The following TAF13 variants were observed in gnomAD, a reference collection of about 807,000 sequenced individuals.
TAF13 encodes the protein transcription initiation factor TFIID subunit 13.
TAF13 carries 9 observed loss-of-function variants against 18.7 expected under a neutral mutation model. The observed-to-expected ratio is 0.48, with a 90% CI of 0.29 to 0.84. The LOEUF is 0.84. TAF13 is among the 40% of genes least tolerant of loss of function. The pLI is 0.08. For synonymous variants in TAF13, 49 were observed against 44.1 expected, an observed-to-expected ratio of 1.11 and a Z score of -0.44; for missense variants, 105 against 146.5, an observed-to-expected ratio of 0.72 and a Z score of 1.46.
chr1:109,071,633 A>G (rs1416682228), intron 2 of TAF13, among the ~76,000 whole-genome samples: 1 of 151,582 alleles, frequency 6.6e-6, no homozygotes, highest in Non-Finnish European at 1.5e-5. Context: ...AATAAAAATT[A>G]AGAAAATAAT....
At position 109,075,904 on chromosome 1, in the gene TAF13, C is replaced by T. The variant is rs1221891737; in HGVS notation, c.27+17G>A. The T allele has an allele frequency of 6.2e-7, 1 of 1,614,088 alleles. No homozygotes were observed. Among genetic ancestry groups the T allele is most frequent in the Non-Finnish European group, 8.5e-7 (1 of 1,180,044 alleles). On this transcript the variant is annotated intron_variant, in intron 1 of 3. Coordinates refer to ENST00000338366, the MANE Select transcript of TAF13 (RefSeq NM_005645.4). The stretch of plus-strand genomic sequence containing the variant: ...GAGTGAAGAAAAGACAGGTTTTGGA[C>T]AGAGACGGTCACTCACCGTGGGGTC...
intron 1 of TAF13, 87 bp from the exon 2 acceptor site, chr1:109,075,152 C>A: frequency 1.7e-6 from 2 of 1,145,556 alleles, no homozygotes; most frequent in South Asian, 1.5e-5. Flanking sequence ...TCCTTTTCAA[C>A]AGATAGGCCA....
chr1:109,074,645 T>C (rs1423223294), intron 2 of TAF13, among the ~76,000 whole-genome samples: 1 of 152,092 alleles, frequency 6.6e-6, no homozygotes, highest in Non-Finnish European at 1.5e-5. Flanking sequence ...GTGGGCGTGG[T>C]GGCCGGCGCC....
chr1:109,064,530 C>A lies in TAF13; in HGVS notation c.368G>T (p.Gly123Val). The change falls in exon 4 of 4, where the codon GGA becomes GTA. Residue 123 changes from glycine (G) to valine (V), a missense_variant. Coordinates refer to ENST00000338366, the MANE Select transcript of TAF13 (RefSeq NM_005645.4). The stretch of plus-strand genomic sequence containing the variant: ...CGGAAACTACAAAAAGTGTCAAGAT[C>A]CATAATTTGCTTCATCAAATGCTTT... ...ARKAFDEANY[G>V]S is the part of the protein sequence containing the mutation. The A allele has an allele frequency of 6.7e-7, 1 of 1,495,988 alleles. No individual in the cohort carries two copies. The highest frequency in any genetic ancestry group is 1.4e-5 in the South Asian group (1 of 70,986). 92.7% of individuals were successfully genotyped at this position (1,495,988 alleles called of 1,614,324 possible). A position where few individuals can be genotyped will look rare whatever the true frequency, so the allele number is the denominator to read the frequency against.
At chr1:109,066,620 G>A (rs1000903563) in intron 2 of TAF13, among the ~76,000 whole-genome samples, 3 of 152,216 alleles carry the variant, frequency 2.0e-5, no homozygotes, top group Admixed American at 1.3e-4. Flanking sequence ...GTGTGGGCAT[G>A]GCAGTGGGGC....
chr1:109,066,464 C>T (rs1395372690), intron 2 of TAF13, among the ~76,000 whole-genome samples: 2 of 152,172 alleles, frequency 1.3e-5, no homozygotes, highest in Non-Finnish European at 2.9e-5. Flanking sequence ...CTCCCACCTA[C>T]TGAACCCTAA....
intron 2 of TAF13, among the ~76,000 whole-genome samples, chr1:109,071,815 C>T (rs1406603779): frequency 6.7e-6 from 1 of 149,890 alleles, no homozygotes; most frequent in African/African-American, 2.5e-5. Flanking sequence ...AGCTAGGCGT[C>T]GTGGCATGTG....
intron 3 of TAF13, among the ~76,000 whole-genome samples, 156 bp from the exon 4 acceptor site, chr1:109,064,849 G>C (rs565092874): frequency 6.6e-6 from 1 of 151,256 alleles, no homozygotes; most frequent in South Asian, 2.1e-4. Context: ...CATGTCCTTT[G>C]TCTATTTTCT....
Position 109,075,922 on chromosome 1 carries a change from G to A in TAF13, c.26C>T (p.Thr9Met), listed in dbSNP as rs986098512. 1 of 1,614,234 alleles carries A rather than the reference G, an allele frequency of 6.2e-7. No homozygotes were observed. Among genetic ancestry groups the A allele is most frequent in the Non-Finnish European group, 8.5e-7 (1 of 1,180,038 alleles). Residue 9 changes from threonine (T) to methionine (M), a missense_variant and splice_region_variant, in exon 1 of 4, where the codon ACG (threonine) becomes ATG (methionine). Transcript: ENST00000338366. ...TTTTGGACAGAGACGGTCACTCACC[G>A]TGGGGTCTTCTTCCTCATCTGCCAT... MADEEEDPTFEEENEEIGG... is the reference protein window; with the variant it reads MADEEEDPMFEEENEEIGG...
In TAF13 at chr1:109,065,090, T is replaced by C. The variant is rs151094496; in HGVS notation, c.205-397A>G. ...TAAATATTGGTGGGTTTTCTAAAAA[T>C]CAAATAACTCTATCTCATCCTGTCA... On this transcript the variant is annotated intron_variant, in intron 3 of 3. Coordinates refer to ENST00000338366, the MANE Select transcript of TAF13 (RefSeq NM_005645.4). Among the ~76,000 whole-genome samples the C allele has an allele frequency of 5.5e-3, 838 of 152,310 alleles. 11 individuals are homozygous for C. Among genetic ancestry groups the C allele is most frequent in the African/African-American group, 0.019 (775 of 41,568 alleles).
At chr1:109,067,617 A>G (rs1663974054) in intron 2 of TAF13, among the ~76,000 whole-genome samples, 2 of 151,716 alleles carry the variant, frequency 1.3e-5, no homozygotes, top group Non-Finnish European at 1.5e-5. Context: ...CTCAAAAATA[A>G]TAATAATAAT....
At position 109,075,994 on chromosome 1, in the gene TAF13, T is replaced by C. The variant is rs768159486; in HGVS notation, c.-47A>G. 2 of 1,614,008 alleles carry C rather than the reference T, an allele frequency of 1.2e-6. No homozygotes were observed. Among genetic ancestry groups the C allele is most frequent in the Admixed American group, 1.7e-5 (1 of 60,018 alleles). On this transcript the variant is annotated 5_prime_UTR_variant, in exon 1 of 4. Transcript: ENST00000338366. The stretch of plus-strand genomic sequence containing the variant: ...AGCGTCCTGCCGGCTGGCTCCCAGC[T>C]GGTTACACTACTTCCGCCGCCTCAC...
chr1:109,064,684 C>T lies in TAF13; in HGVS notation c.214G>A (p.Ala72Thr). ...IEFITEMTHK[A>T]MSIGRQGRVQ... ...CGACCTTGTCTTCCAATTGACATTG[C>T]CTTGTGAGTCTATTACAAAGAAACA... Residue 72 changes from alanine to threonine, a missense_variant, in exon 4 of 4, where the codon GCA becomes ACA. Physicochemically the swap from Ala to Thr is moderately conservative, Grantham distance 58. Transcript: ENST00000338366. 1.3e-6 allele frequency: 2 copies of T among 1,500,744 alleles called. No individual in the cohort carries two copies. Among genetic ancestry groups the T allele is most frequent in the Admixed American group, 2.3e-5 (1 of 43,632 alleles). 93.0% of individuals were successfully genotyped at this position (1,500,744 alleles called of 1,614,324 possible).
chr1:109,073,271 G>A (rs1664106071), intron 2 of TAF13, among the ~76,000 whole-genome samples: 1 of 151,642 alleles, frequency 6.6e-6, no homozygotes, highest in Non-Finnish European at 1.5e-5. Flanking sequence ...CGGGTGCAGT[G>A]GCTCACGCCT....
intron 2 of TAF13, among the ~76,000 whole-genome samples, chr1:109,072,905 G>A (rs560083213): frequency 1.3e-5 from 2 of 150,076 alleles, no homozygotes; most frequent in African/African-American, 4.9e-5. Context: ...GTTAATTTTT[G>A]TATTTTTAGT....
At chr1:109,070,513 G>T (rs1047662258) in intron 2 of TAF13, among the ~76,000 whole-genome samples, 4 of 147,158 alleles carry the variant, frequency 2.7e-5, no homozygotes, top group African/African-American at 1.0e-4. Flanking sequence ...CACCGTGCCC[G>T]GCCCTTGAGT....
chr1:109,064,521 T>C lies in TAF13; in HGVS notation c.*2A>G. ...GGTAATTTTCGGAAACTACAAAAAG[T>C]GTCAAGATCCATAATTTGCTTCATC... On this transcript the variant is annotated 3_prime_UTR_variant, in exon 4 of 4. Transcript: ENST00000338366. The C allele has an allele frequency of 1.4e-6, 2 of 1,474,274 alleles. No individual in the cohort carries two copies. Among genetic ancestry groups the C allele is most frequent in the Non-Finnish European group, 1.8e-6 (2 of 1,109,764 alleles). 91.3% of individuals were successfully genotyped at this position (1,474,274 alleles called of 1,614,324 possible).
intron 2 of TAF13, among the ~76,000 whole-genome samples, chr1:109,072,047 C>T (rs1455080411): frequency 2.0e-4 from 1 of 5,108 alleles, no homozygotes; most frequent in African/African-American, 7.3e-4. Flanking sequence ...TATATATACA[C>T]ACACATATAT....
rs1271954900 is a variant in TAF13, at chr1:109,066,126, G to T, written c.204+9C>A. On this transcript the variant is annotated intron_variant, in intron 3 of 3. Transcript: ENST00000338366. ...CAATTAACTAAGACCAGTTAGGAAA[G>T]AATCTTACCATTTCAGTGATAAACT... 2 of 1,601,364 alleles carry T rather than the reference G, an allele frequency of 1.2e-6. No individual in the cohort carries two copies. Among genetic ancestry groups the T allele is most frequent in the Middle Eastern group, 1.7e-4 (1 of 6,032 alleles).
Sources: gnomAD v4.1 joint callset for allele counts (sites outside exome capture counted in the v4.1 genomes callset) on GRCh38, gnomAD v4.1.1 for gene constraint, MANE v1.5 for transcripts, NCBI Gene and HGNC (gene_info 2026-07-23, HGNC 2026-07-21) for gene names.